GNAZ: variants seen among roughly 807,000 people sequenced by gnomAD.
GNAZ encodes guanine nucleotide-binding protein G(z) subunit alpha.
Under a neutral mutation model 25.4 loss-of-function variants are expected in GNAZ, and 3 were observed. The ratio of observed to expected loss-of-function variants is 0.12; its 90% CI spans 0.05 to 0.30. GNAZ has a LOEUF of 0.30. GNAZ is among the 10% of genes least tolerant of loss of function. GNAZ has a pLI of 1.00. For missense variants in GNAZ, 241 were observed against 501.8 expected (o/e 0.48, Z 4.97); for synonymous variants, 211 against 205.7 (o/e 1.03, Z -0.22).
At chr22:23,078,838 G>T (rs2068585331) in intron 1 of GNAZ, among the ~76,000 whole-genome samples, 1 of 152,212 alleles carries the variant, frequency 6.6e-6, no homozygotes, top group Non-Finnish European at 1.5e-5. Context: ...ACAAGATGAG[G>T]GGACATCCTG....
At chr22:23,083,815 T>G (rs1416852462) in intron 1 of GNAZ, among the ~76,000 whole-genome samples, 1 of 152,194 alleles carries the variant, frequency 6.6e-6, no homozygotes, top group Non-Finnish European at 1.5e-5. Flanking sequence ...CCACACCTGT[T>G]CAAGGTCGCG....
chr22:23,088,987 CTA>C (rs751642851), intron 1 of GNAZ, among the ~76,000 whole-genome samples: 32 of 152,356 alleles, frequency 2.1e-4, no homozygotes, highest in Non-Finnish European at 3.5e-4. Context: ...CAAGCCTAAA[CTA>C]TCTCCCTGGG....
intron 2 of GNAZ, 130 bp downstream of exon 2, chr22:23,096,548 C>A: frequency 2.1e-6 from 2 of 963,816 alleles, no homozygotes; most frequent in Non-Finnish European, 3.1e-6. Context: ...CCCTGCTGCA[C>A]GATAACTGAG....
chr22:23,073,938 G>T (rs1418412737), intron 1 of GNAZ, among the ~76,000 whole-genome samples: 2 of 152,058 alleles, frequency 1.3e-5, no homozygotes, highest in East Asian at 3.9e-4. Context: ...ATGGGGGTGG[G>T]GGACTGACAC....
rs1268518787 is a variant in GNAZ at position 23,123,245 on chromosome 22, G to C, written c.882G>C (p.Gln294His). 6.2e-7 allele frequency: 1 copy of C among 1,614,188 alleles called. No individual in the cohort carries two copies. Among genetic ancestry groups the C allele is most frequent in the Non-Finnish European group, 8.5e-7 (1 of 1,180,044 alleles). ...TCTGCTTTCCCGAGTACAAGGGCCA[G>C]AACACGTACGAGGAGGCCGCTGTCT... is the stretch of plus-strand genomic sequence containing the variant. ...LTICFPEYKG[Q>H]NTYEEAAVYI... The change falls in exon 3 of 3, where the codon CAG (glutamine) becomes CAC (histidine). Residue 294 changes from glutamine (Q) to histidine (H), a missense_variant. Coordinates refer to ENST00000615612, the MANE Select transcript of GNAZ (RefSeq NM_002073.4).
In GNAZ at chr22:23,124,441, CG is replaced by C. The variant is rs1233425639; in HGVS notation, c.*1013del. The C allele has an allele frequency of 2.1e-6, 1 of 468,956 alleles. No homozygotes were observed. Among genetic ancestry groups the C allele is most frequent in the Admixed American group, 2.4e-5 (1 of 42,290 alleles). The allele number at this position is 468,956 out of a possible 1,614,324, so 29.0% of individuals were successfully genotyped here. A position where few individuals can be genotyped will look rare whatever the true frequency, so the allele number is the denominator to read the frequency against. On this transcript the variant is annotated 3_prime_UTR_variant, in exon 3 of 3. Transcript: ENST00000615612. ...GAGTGGCAGTCCTGCGCCAGCCTCG[CG>C]GGACACGTGTTGTACATAAGCCTCT...
At chr22:23,105,591 G>A (rs1167568388) in intron 2 of GNAZ, among the ~76,000 whole-genome samples, 1 of 152,224 alleles carries the variant, frequency 6.6e-6, no homozygotes, top group Non-Finnish European at 1.5e-5. Flanking sequence ...TGTCGGCCTT[G>A]GGTTCCTGGG....
chr22:23,098,263 G>A (rs1242471371), intron 2 of GNAZ, among the ~76,000 whole-genome samples: 1 of 152,178 alleles, frequency 6.6e-6, no homozygotes, highest in Non-Finnish European at 1.5e-5. Context: ...CCTGCCTCTC[G>A]TACCCCTGCC....
chr22:23,124,331 G>T lies in GNAZ; in HGVS notation c.*900G>T. 5.1e-6 allele frequency: 2 copies of T among 392,462 alleles called. No homozygotes were observed. The highest frequency in any genetic ancestry group is 5.4e-6 in the Non-Finnish European group (1 of 185,886). The allele number at this position is 392,462 out of a possible 1,614,324, so 24.3% of individuals were successfully genotyped here. A position where few individuals can be genotyped will look rare whatever the true frequency, so the allele number is the denominator to read the frequency against. ...GATTTTCAAAACATATTTTTTTTCAGGTGGTCTTTTTTGTGTCTGGCTTGC... is the reference window on the plus strand; with the variant it reads ...GATTTTCAAAACATATTTTTTTTCATGTGGTCTTTTTTGTGTCTGGCTTGC... On this transcript the variant is annotated 3_prime_UTR_variant, in exon 3 of 3. Coordinates refer to ENST00000615612, the MANE Select transcript of GNAZ (RefSeq NM_002073.4).
chr22:23,096,246 G>A lies in GNAZ; in HGVS notation c.551G>A (p.Gly184Asp). Residue 184 changes from glycine to aspartate, a missense_variant, in exon 2 of 3, where the codon GGC (glycine) becomes GAC (aspartate). Transcript: ENST00000615612. ...DILRSRDMTTGIVENKFTFKE... is the reference protein window; with the variant it reads ...DILRSRDMTTDIVENKFTFKE... ...CTGCGCTCCCGGGACATGACCACGG[G>A]CATTGTGGAGAACAAGTTCACCTTC... 1 of 1,613,980 alleles carries A rather than the reference G, an allele frequency of 6.2e-7. No individual in the cohort carries two copies. The highest frequency in any genetic ancestry group is 8.5e-7 in the Non-Finnish European group (1 of 1,180,032).
intron 1 of GNAZ, among the ~76,000 whole-genome samples, chr22:23,094,540 G>T (rs189208851): frequency 3.9e-5 from 6 of 152,190 alleles, no homozygotes; most frequent in Non-Finnish European, 8.8e-5. Context: ...GCAGCACCAC[G>T]TGCAGCCCCC....
chr22:23,122,231 T>TC (rs2070051752), intron 2 of GNAZ: 3 of 152,256 alleles, frequency 2.0e-5, no homozygotes, highest in African/African-American at 7.2e-5. Flanking sequence ...AGCATCATGC[T>TC]TCTTAAAAGC....
At chr22:23,092,421 G>A (rs530401100) in intron 1 of GNAZ, among the ~76,000 whole-genome samples, 12 of 152,184 alleles carry the variant, frequency 7.9e-5, no homozygotes, top group East Asian at 3.9e-4. Flanking sequence ...CCACAGAGCC[G>A]CAGGGAGAAT....
In GNAZ at chr22:23,096,130, C is replaced by T. The variant is rs1328521572; in HGVS notation, c.435C>T (p.Ser145=). ...CACAGGCCTGCTTCAGCCGCTCCAG[C>T]GAGTACCACCTGGAGGACAACGCGG... ...PGAQACFSRS[S]EYHLEDNAAY... Residue 145 remains serine (S), a synonymous_variant, in exon 2 of 3, where the codon AGC becomes AGT. Transcript: ENST00000615612. The T allele has an allele frequency of 3.7e-6, 6 of 1,612,184 alleles. No homozygotes were observed. The highest frequency in any genetic ancestry group is 5.1e-6 in the Non-Finnish European group (6 of 1,179,932).
At chr22:23,073,793 G>A (rs2068437248) in intron 1 of GNAZ, among the ~76,000 whole-genome samples, 1 of 152,230 alleles carries the variant, frequency 6.6e-6, no homozygotes, top group Non-Finnish European at 1.5e-5. Flanking sequence ...CAGGCACTGT[G>A]CCAGGTGCAG....
intron 2 of GNAZ, among the ~76,000 whole-genome samples, chr22:23,109,133 G>A (rs933784297): frequency 9.2e-5 from 14 of 152,156 alleles, no homozygotes; most frequent in Non-Finnish European, 1.9e-4. Flanking sequence ...TATTGACCAC[G>A]TTTCTCTTGT....
chr22:23,079,308 G>A (rs747459326), intron 1 of GNAZ, among the ~76,000 whole-genome samples: 9 of 152,348 alleles, frequency 5.9e-5, no homozygotes, highest in East Asian at 3.9e-4. Context: ...GGACATCTGA[G>A]CCATTGGATG....
chr22:23,122,931 A>G (rs1335816430), intron 2 of GNAZ, among the ~76,000 whole-genome samples, 156 bp from the exon 3 acceptor site: 2 of 152,176 alleles, frequency 1.3e-5, no homozygotes, highest in Non-Finnish European at 2.9e-5. Context: ...GGGTGAAGAC[A>G]TTTAACCTGG....
intron 2 of GNAZ, among the ~76,000 whole-genome samples, chr22:23,118,248 C>T (rs1014885695): frequency 6.6e-6 from 1 of 152,242 alleles, no homozygotes; most frequent in Non-Finnish European, 1.5e-5. Flanking sequence ...ATCACCTCAC[C>T]ATTCCCCGAC....
Sources: gnomAD v4.1 joint callset for allele counts (sites outside exome capture counted in the v4.1 genomes callset) on GRCh38, gnomAD v4.1.1 for gene constraint, MANE v1.5 for transcripts, NCBI Gene and HGNC (gene_info 2026-07-23, HGNC 2026-07-21) for gene names.